Variants in SLC39A11 observed in about 807,000 individuals in gnomAD.
The protein encoded by SLC39A11 is zinc transporter ZIP11.
SLC39A11 carries 33 observed loss-of-function variants against 36.1 expected under a neutral mutation model. The observed-to-expected ratio is 0.91, with a 90% CI of 0.69 to 1.22. The LOEUF (loss-of-function observed/expected upper bound fraction) is 1.22, where lower values mean the gene tolerates loss of function less well. Among genes scored for constraint, SLC39A11 ranks in the 50% most tolerant of loss-of-function variants. The pLI, the probability that SLC39A11 is intolerant of heterozygous loss-of-function variation, is 0.00. For synonymous variants in SLC39A11, 166 were observed against 170.3 expected, an observed-to-expected ratio of 0.97 and a Z score of 0.20; for missense variants, 432 against 430.3, an observed-to-expected ratio of 1.00 and a Z score of -0.03.
intron 4 of SLC39A11, among the ~76,000 whole-genome samples, chr17:72,997,878 C>T (rs2089608592): frequency 6.6e-6 from 1 of 152,066 alleles, no homozygotes; most frequent in East Asian, 1.9e-4. Context: ...GCCCCAAGCA[C>T]AAGAGTAGTG....
intron 5 of SLC39A11, 77 bp from the exon 6 acceptor site, chr17:72,849,881 T>C: frequency 7.3e-7 from 1 of 1,367,388 alleles, no homozygotes; most frequent in African/African-American, 1.5e-5. Flanking sequence ...TCCAGCAAGC[T>C]ACAGCAGGAA....
chr17:72,676,356 T>A (rs1051556265), intron 7 of SLC39A11, among the ~76,000 whole-genome samples: 2 of 152,038 alleles, frequency 1.3e-5, no homozygotes, highest in African/African-American at 4.8e-5. Flanking sequence ...TCTTAGATAA[T>A]TTTTTTGAAG....
At chr17:72,659,374 A>G (rs377743105) in intron 7 of SLC39A11, among the ~76,000 whole-genome samples, 2 of 152,286 alleles carry the variant, frequency 1.3e-5, no homozygotes, top group African/African-American at 4.8e-5. Context: ...AAGGATGGGG[A>G]CAATTTTAAT....
At chr17:72,962,915 C>T (rs1174896719) in intron 4 of SLC39A11, among the ~76,000 whole-genome samples, 1 of 152,136 alleles carries the variant, frequency 6.6e-6, no homozygotes, top group Non-Finnish European at 1.5e-5. Context: ...CTATAAGCCA[C>T]ACAGCTGTTA....
chr17:72,847,408 A>C (rs5011609), intron 6 of SLC39A11, among the ~76,000 whole-genome samples: 7 of 140,162 alleles, frequency 5.0e-5, no homozygotes, highest in East Asian at 2.1e-4. Flanking sequence ...TCTCATAAAA[A>C]AAAAAAAAAA....
At chr17:72,974,876 C>T (rs530593150) in intron 4 of SLC39A11, among the ~76,000 whole-genome samples, 18 of 152,288 alleles carry the variant, frequency 1.2e-4, no homozygotes, top group Admixed American at 3.3e-4. Flanking sequence ...CTTCTATGTT[C>T]AGATACACAA....
chr17:72,831,506 T>C (rs921367339), intron 6 of SLC39A11, among the ~76,000 whole-genome samples: 1 of 152,236 alleles, frequency 6.6e-6, no homozygotes, highest in Non-Finnish European at 1.5e-5. Context: ...GCCAGTGATA[T>C]CACAACTTGG....
At chr17:72,716,581 C>G (rs1399417788) in intron 7 of SLC39A11, among the ~76,000 whole-genome samples, 1 of 148,308 alleles carries the variant, frequency 6.7e-6, no homozygotes, top group Non-Finnish European at 1.5e-5. Flanking sequence ...AAAAAAAAAT[C>G]GGAAACTTTA....
chr17:72,756,915 C>T (rs1414969776), intron 6 of SLC39A11, among the ~76,000 whole-genome samples: 2 of 150,434 alleles, frequency 1.3e-5, no homozygotes, highest in African/African-American at 2.4e-5. Context: ...TTTGGGAGAC[C>T]GAGGCAGGTG....
At chr17:72,830,835 G>T (rs1483728581) in intron 6 of SLC39A11, among the ~76,000 whole-genome samples, 1 of 152,056 alleles carries the variant, frequency 6.6e-6, no homozygotes. Context: ...TCAACCCATT[G>T]GCTTATTCCC....
At chr17:72,674,128 T>C (rs1361239681) in intron 7 of SLC39A11, among the ~76,000 whole-genome samples, 1 of 152,084 alleles carries the variant, frequency 6.6e-6, no homozygotes, top group African/African-American at 2.4e-5. Flanking sequence ...CTCCTCACCC[T>C]TGTTCCCCAC....
chr17:72,846,018 C>CTTTTTTTTTTTTTTTTTTTTTTTTTT (rs569100122), intron 6 of SLC39A11, among the ~76,000 whole-genome samples: 2 of 57,950 alleles, frequency 3.5e-5, no homozygotes, highest in African/African-American at 1.7e-4. Context: ...CTCTCTCTCT[C>CTTTTTTTTTTTTTTTTTTTTTTTTTT]TTTTTTTTTT....
At chr17:72,829,026 C>T (rs1255168717) in intron 6 of SLC39A11, among the ~76,000 whole-genome samples, 1 of 152,084 alleles carries the variant, frequency 6.6e-6, no homozygotes, top group Non-Finnish European at 1.5e-5. Context: ...CAGTGCAGAG[C>T]AGATGGATGA....
At chr17:72,772,978 C>T (rs963997477) in intron 6 of SLC39A11, among the ~76,000 whole-genome samples, 12 of 152,020 alleles carry the variant, frequency 7.9e-5, no homozygotes, top group African/African-American at 2.4e-4. Context: ...CCCAGCTACT[C>T]GGGAGGCTAA....
chr17:72,754,886 C>T (rs574080063), intron 6 of SLC39A11, among the ~76,000 whole-genome samples: 2 of 152,336 alleles, frequency 1.3e-5, no homozygotes, highest in East Asian at 3.9e-4. Context: ...TGCACATACA[C>T]AAATTCCCAC....
At chr17:73,085,920 G>A (rs1415887606) in intron 2 of SLC39A11, among the ~76,000 whole-genome samples, 2 of 152,154 alleles carry the variant, frequency 1.3e-5, no homozygotes, top group Non-Finnish European at 2.9e-5. Context: ...ATGGCGATGG[G>A]AACGCACACA....
intron 3 of SLC39A11, among the ~76,000 whole-genome samples, chr17:73,047,990 A>AAAAAAAATATATATATATATAT (rs1555693446): frequency 1.7e-5 from 1 of 58,676 alleles, no homozygotes; most frequent in Non-Finnish European, 3.0e-5. Flanking sequence ...AAAAAAAAAA[A>AAAAAAAATATATATATATATAT]ATATATATAT....
At chr17:72,793,705 C>T (rs1291591121) in intron 6 of SLC39A11, among the ~76,000 whole-genome samples, 2 of 152,202 alleles carry the variant, frequency 1.3e-5, no homozygotes, top group Admixed American at 6.5e-5. Flanking sequence ...GTTGGGATTA[C>T]AGGCGTGAGC....
chr17:73,015,646 C>A (rs915177253), intron 4 of SLC39A11, among the ~76,000 whole-genome samples: 1 of 151,956 alleles, frequency 6.6e-6, no homozygotes, highest in Non-Finnish European at 1.5e-5. Context: ...TGCAGTGGCG[C>A]GATCTTGGCT....
Sources: gnomAD v4.1 joint callset for allele counts (sites outside exome capture counted in the v4.1 genomes callset) on GRCh38, gnomAD v4.1.1 for gene constraint, MANE v1.5 for transcripts, NCBI Gene and HGNC (gene_info 2026-07-23, HGNC 2026-07-21) for gene names.